Variants in CHST11 observed in about 807,000 individuals in gnomAD.
CHST11 encodes the protein C4S-1.
CHST11 carries 9 observed loss-of-function variants against 30.4 expected under a neutral mutation model. The observed-to-expected ratio is 0.30, with a 90% CI of 0.18 to 0.52. CHST11 has a LOEUF of 0.52. Among genes scored for constraint, CHST11 ranks in the 20% least tolerant of loss-of-function variants. The pLI is 0.97. For missense variants in CHST11, 348 were observed against 460.6 expected, an observed-to-expected ratio of 0.76 and a Z score of 2.24; for synonymous variants, 152 against 187.8, an observed-to-expected ratio of 0.81 and a Z score of 1.56.
chr12:104,739,069 C>A (rs2040326079), intron 2 of CHST11, among the ~76,000 whole-genome samples: 1 of 152,220 alleles, frequency 6.6e-6, no homozygotes, highest in African/African-American at 2.4e-5. Flanking sequence ...AAAGCGGGAC[C>A]TGCAGGTGGC....
intron 1 of CHST11, among the ~76,000 whole-genome samples, chr12:104,475,369 GTAAT>G: frequency 6.6e-6 from 1 of 152,036 alleles, no homozygotes; most frequent in Non-Finnish European, 1.5e-5. Context: ...AAAAAAAAGA[GTAAT>G]TAGTTTAGGG....
intron 1 of CHST11, among the ~76,000 whole-genome samples, chr12:104,513,850 G>A (rs1198962020): frequency 6.6e-6 from 1 of 152,204 alleles, no homozygotes; most frequent in East Asian, 1.9e-4. Context: ...AAGAATTCTG[G>A]CAGTGGCGTC....
chr12:104,461,185 C>T (rs1178954719), intron 1 of CHST11, among the ~76,000 whole-genome samples: 8 of 152,164 alleles, frequency 5.3e-5, no homozygotes, highest in Admixed American at 4.6e-4. Flanking sequence ...GAGCTTTCAC[C>T]GTGACCTAAA....
Position 104,723,274 on chromosome 12 carries a change from C to T in CHST11, c.205-33675C>T, listed in dbSNP as rs182871244. Among the ~76,000 whole-genome samples, 70 of 152,294 alleles carry T rather than the reference C, an allele frequency of 4.6e-4. No individual in the cohort carries two copies. In the East Asian group the frequency reaches 0.012, roughly 26 times the overall value. On this transcript the variant is annotated intron_variant, in intron 2 of 2. Transcript: ENST00000303694. ...TTTTAACTCATTCCTGTCTTAAAAT[C>T]GCTGATGAGAAAACAGAGAGGCTGC...
chr12:104,691,841 C>A (rs2039899445), intron 2 of CHST11, among the ~76,000 whole-genome samples: 1 of 152,154 alleles, frequency 6.6e-6, no homozygotes, highest in African/African-American at 2.4e-5. Flanking sequence ...CAAGGGACAC[C>A]AGGCTTTGGC....
intron 2 of CHST11, among the ~76,000 whole-genome samples, chr12:104,696,066 A>G (rs1273585592): frequency 2.0e-5 from 3 of 152,186 alleles, no homozygotes; most frequent in African/African-American, 7.2e-5. Flanking sequence ...ACACAATGCA[A>G]CATTAAACCC....
At chr12:104,461,165 C>T (rs906441378) in intron 1 of CHST11, among the ~76,000 whole-genome samples, 7 of 152,146 alleles carry the variant, frequency 4.6e-5, no homozygotes, top group African/African-American at 1.2e-4. Flanking sequence ...ACTAATCAGG[C>T]GCCAGACAGG....
chr12:104,696,375 G>A (rs994148693), intron 2 of CHST11, among the ~76,000 whole-genome samples: 6 of 149,390 alleles, frequency 4.0e-5, no homozygotes, highest in East Asian at 2.0e-4. Flanking sequence ...GGTGGCTCAC[G>A]CCTGTAATCG....
chr12:104,513,975 G>T (rs115196310), intron 1 of CHST11: 331 of 657,316 alleles, frequency 5.0e-4, no homozygotes, highest in Non-Finnish European at 8.5e-4. Flanking sequence ...AGAGCTGGGC[G>T]AGTGCTGTGG....
chr12:104,728,084 A>C, intron 2 of CHST11, among the ~76,000 whole-genome samples: 1 of 150,600 alleles, frequency 6.6e-6, no homozygotes, highest in East Asian at 1.9e-4. Flanking sequence ...AATAGTAATA[A>C]TAATAATAGC....
At chr12:104,666,113 C>T (rs113698155) in intron 2 of CHST11, among the ~76,000 whole-genome samples, 2,136 of 152,136 alleles carry the variant, frequency 0.014, 50 homozygotes, top group African/African-American at 0.049. Flanking sequence ...CCACCGCACC[C>T]GGCCTCTTTC....
chr12:104,523,785 T>C (rs1565974050), intron 1 of CHST11, among the ~76,000 whole-genome samples: 1 of 152,254 alleles, frequency 6.6e-6, no homozygotes, highest in Non-Finnish European at 1.5e-5. Flanking sequence ...TCTCTCTCTG[T>C]GTTAAACATG....
intron 1 of CHST11, among the ~76,000 whole-genome samples, chr12:104,594,598 G>A (rs1057484450): frequency 6.6e-6 from 1 of 151,996 alleles, no homozygotes; most frequent in Non-Finnish European, 1.5e-5. Flanking sequence ...CTCCAGTTCT[G>A]GTATTCCTTC....
At chr12:104,540,280 G>A (rs2136000922) in intron 1 of CHST11, among the ~76,000 whole-genome samples, 1 of 152,246 alleles carries the variant, frequency 6.6e-6, no homozygotes. Flanking sequence ...AATGAATAAA[G>A]CCTACTTTAA....
chr12:104,734,963 G>GTT (rs2040288266), intron 2 of CHST11, among the ~76,000 whole-genome samples: 1 of 152,162 alleles, frequency 6.6e-6, no homozygotes, highest in Admixed American at 6.5e-5. Context: ...GCCCTCATCA[G>GTT]GGCAAACTGC....
intron 1 of CHST11, among the ~76,000 whole-genome samples, chr12:104,573,186 A>T (rs1489445203): frequency 2.0e-5 from 3 of 152,210 alleles, no homozygotes; most frequent in Admixed American, 6.5e-5. Flanking sequence ...AGAACTACAA[A>T]CCGCTGCTCA....
intron 2 of CHST11, among the ~76,000 whole-genome samples, chr12:104,747,443 T>C (rs2040397141): frequency 6.6e-6 from 1 of 152,224 alleles, no homozygotes; most frequent in African/African-American, 2.4e-5. Context: ...GCTCAATATA[T>C]GGTAGCTAGT....
chr12:104,572,801 A>T (rs2038642321), intron 1 of CHST11, among the ~76,000 whole-genome samples: 1 of 152,018 alleles, frequency 6.6e-6, no homozygotes, highest in African/African-American at 2.4e-5. Flanking sequence ...TTTAATTGTG[A>T]TGTTAGGGTG....
intron 1 of CHST11, among the ~76,000 whole-genome samples, chr12:104,598,315 G>A (rs182259018): frequency 6.6e-6 from 1 of 152,282 alleles, no homozygotes; most frequent in Admixed American, 6.5e-5. Context: ...AGGGTACAGT[G>A]GAGCTCAGCT....
Sources: allele counts gnomAD v4.1 joint callset (sites outside exome capture counted in the v4.1 genomes callset), GRCh38; gene constraint gnomAD v4.1.1; transcripts MANE v1.5; gene names NCBI Gene and HGNC (gene_info 2026-07-23, HGNC 2026-07-21).